Variants in KIAA1328 observed in about 807,000 individuals in gnomAD.
The protein encoded by KIAA1328 is KIAA1328.
A neutral mutation model predicts 68.1 loss-of-function variants in KIAA1328; 52 were observed. The ratio of observed to expected loss-of-function variants is 0.76; its 90% confidence interval spans 0.61 to 0.96. KIAA1328 has a LOEUF of 0.96. Ranked by LOEUF, KIAA1328 falls within the 40% of genes least tolerant of loss-of-function variation. KIAA1328 has a pLI of 0.00. For missense variants in KIAA1328, 641 were observed against 677.6 expected, an observed-to-expected ratio of 0.95 and a Z score of 0.60; for synonymous variants, 232 against 239.4, an observed-to-expected ratio of 0.97 and a Z score of 0.28.
chr18:37,025,129 G>A (rs2054516098), intron 6 of KIAA1328, among the ~76,000 whole-genome samples: 4 of 152,144 alleles, frequency 2.6e-5, no homozygotes, highest in Non-Finnish European at 4.4e-5. Flanking sequence ...GATGGCCAGT[G>A]ATGATGAGCA....
intron 6 of KIAA1328, among the ~76,000 whole-genome samples, chr18:36,963,135 T>C (rs2051764673): frequency 6.6e-6 from 1 of 152,240 alleles, no homozygotes; most frequent in Non-Finnish European, 1.5e-5. Context: ...TCTTAAAACA[T>C]AGCTGATAAA....
At chr18:37,114,513 T>C (rs889830465) in intron 7 of KIAA1328, among the ~76,000 whole-genome samples, 1 of 152,202 alleles carries the variant, frequency 6.6e-6, no homozygotes, top group African/African-American at 2.4e-5. Flanking sequence ...TAAAGCAGTG[T>C]GTAGAGGGAA....
chr18:37,147,434 A>T (rs1305982881), intron 7 of KIAA1328, among the ~76,000 whole-genome samples: 4 of 152,070 alleles, frequency 2.6e-5, no homozygotes, highest in Non-Finnish European at 5.9e-5. Context: ...TGTATGAAAC[A>T]TTATAGATAG....
At chr18:37,046,425 A>G (rs1046939450) in intron 6 of KIAA1328, among the ~76,000 whole-genome samples, 1 of 152,162 alleles carries the variant, frequency 6.6e-6, no homozygotes, top group African/African-American at 2.4e-5. Context: ...TTTCTTGGTA[A>G]GCCCTGAAAT....
chr18:37,184,380 T>C (rs2059754905), intron 9 of KIAA1328, among the ~76,000 whole-genome samples: 1 of 152,250 alleles, frequency 6.6e-6, no homozygotes, highest in Admixed American at 6.5e-5. Flanking sequence ...TTGTTTGCAC[T>C]GGGAGTTAAT....
chr18:37,065,520 A>G (rs2056310274), intron 6 of KIAA1328, among the ~76,000 whole-genome samples: 1 of 152,176 alleles, frequency 6.6e-6, no homozygotes, highest in African/African-American at 2.4e-5. Flanking sequence ...TTTTCAAACA[A>G]CCCATCTTGC....
chr18:37,117,615 A>G (rs558353496), intron 7 of KIAA1328, among the ~76,000 whole-genome samples: 2 of 152,308 alleles, frequency 1.3e-5, no homozygotes, highest in South Asian at 4.2e-4. Context: ...CACATTGTGC[A>G]CATGTACCCT....
chr18:36,982,684 A>G (rs556053283), intron 6 of KIAA1328, among the ~76,000 whole-genome samples: 2 of 152,048 alleles, frequency 1.3e-5, no homozygotes, highest in South Asian at 2.1e-4. Context: ...GGAAATATAC[A>G]TAAACTAATG....
chr18:37,011,756 C>T (rs322639), intron 6 of KIAA1328, among the ~76,000 whole-genome samples: 90,454 of 151,896 alleles, frequency 0.6, 28,787 homozygotes, highest in East Asian at 0.87. Context: ...TATGACATCC[C>T]AGAAAAGGAA....
chr18:37,020,630 T>C (rs1461641989), intron 6 of KIAA1328, among the ~76,000 whole-genome samples: 2 of 152,200 alleles, frequency 1.3e-5, no homozygotes, highest in Admixed American at 6.5e-5. Flanking sequence ...AAATGATCAA[T>C]TTTATGTAGA....
intron 6 of KIAA1328, among the ~76,000 whole-genome samples, chr18:37,027,740 T>C (rs1321301437): frequency 2.6e-5 from 4 of 152,206 alleles, no homozygotes; most frequent in African/African-American, 7.2e-5. Flanking sequence ...AAGACTTACA[T>C]GTTAGACCTA....
chr18:37,096,124 A>AC (rs1283088348), intron 7 of KIAA1328, among the ~76,000 whole-genome samples: 1 of 152,102 alleles, frequency 6.6e-6, no homozygotes, highest in African/African-American at 2.4e-5. Flanking sequence ...CATGTGCACA[A>AC]CGTGCAGGTT....
chr18:37,105,858 A>C (rs1296480159), intron 7 of KIAA1328, among the ~76,000 whole-genome samples: 1 of 138,014 alleles, frequency 7.2e-6, no homozygotes, highest in Non-Finnish European at 1.5e-5. Flanking sequence ...CAGAGGTTGC[A>C]GTGAGAAGAG....
At chr18:36,939,303 CCTT>C (rs1188132641) in intron 5 of KIAA1328, among the ~76,000 whole-genome samples, 1 of 151,952 alleles carries the variant, frequency 6.6e-6, no homozygotes, top group East Asian at 1.9e-4. Flanking sequence ...AGATATTTCA[CCTT>C]CTTGGTTAAA....
chr18:37,190,194 CGTAGTTGGTCCCCCA>C (rs1036929886), intron 9 of KIAA1328, among the ~76,000 whole-genome samples: 3 of 152,070 alleles, frequency 2.0e-5, no homozygotes, highest in Admixed American at 2.0e-4. Flanking sequence ...TGGGAGAAAC[CGTAGTTGGTCCCCCA>C]GGGTTGAATT....
At chr18:36,843,868 G>T (rs1172725850) in intron 3 of KIAA1328, among the ~76,000 whole-genome samples, 1 of 152,066 alleles carries the variant, frequency 6.6e-6, no homozygotes, top group Non-Finnish European at 1.5e-5. Context: ...AGCAGCGTGG[G>T]GACTATGGTG....
At chr18:36,902,189 G>T (rs1232230525) in intron 5 of KIAA1328, 2 of 151,760 alleles carry the variant, frequency 1.3e-5, no homozygotes, top group Non-Finnish European at 2.9e-5. Flanking sequence ...GCCTCACTTA[G>T]AAGTGAGGCA....
At chr18:36,881,586 T>C (rs1300154645) in intron 4 of KIAA1328, among the ~76,000 whole-genome samples, 1 of 152,198 alleles carries the variant, frequency 6.6e-6, no homozygotes, top group Non-Finnish European at 1.5e-5. Context: ...TGAAGCCCTA[T>C]ATGCATTAGC....
chr18:37,041,978 G>A (rs2055271085), intron 6 of KIAA1328, among the ~76,000 whole-genome samples: 1 of 151,984 alleles, frequency 6.6e-6, no homozygotes, highest in African/African-American at 2.4e-5. Flanking sequence ...ACTTCCCAGG[G>A]TCAGGTGATT....
Sources: allele counts gnomAD v4.1 joint callset (sites outside exome capture counted in the v4.1 genomes callset), GRCh38; gene constraint gnomAD v4.1.1; transcripts MANE v1.5; gene names NCBI Gene and HGNC (gene_info 2026-07-23, HGNC 2026-07-21).